HIPK2: variants seen among roughly 807,000 people sequenced by gnomAD.
The protein encoded by HIPK2 is homeodomain interacting protein kinase 2, also known as homeodomain-interacting protein kinase 2.
In HIPK2, 27 loss-of-function variants were observed where a neutral mutation model predicts 113.7. That is an observed-to-expected ratio of 0.24 (90% CI 0.17 to 0.33). HIPK2 has a LOEUF of 0.33. Ranked by LOEUF, HIPK2 falls within the 10% of genes least tolerant of loss-of-function variation. HIPK2 has a pLI of 1.00. For synonymous variants in HIPK2, 631 were observed against 642.2 expected (o/e 0.98, Z 0.26); for missense variants, 1,257 against 1,588.0 (o/e 0.79, Z 3.54).
intron 1 of HIPK2, among the ~76,000 whole-genome samples, chr7:139,775,372 G>T (rs929658457): frequency 2.6e-5 from 4 of 152,200 alleles, no homozygotes; most frequent in Admixed American, 2.0e-4. Flanking sequence ...GATTCTAGAA[G>T]TCACCTGTCT....
At chr7:139,694,055 T>TC in intron 2 of HIPK2, among the ~76,000 whole-genome samples, 1 of 152,180 alleles carries the variant, frequency 6.6e-6, no homozygotes, top group East Asian at 1.9e-4. Flanking sequence ...AAATATACTT[T>TC]TTTTCCTATT....
At chr7:139,582,128 G>A (rs1397446456) in intron 13 of HIPK2, among the ~76,000 whole-genome samples, 3 of 152,278 alleles carry the variant, frequency 2.0e-5, no homozygotes, top group Admixed American at 6.5e-5. Context: ...ACATTTGCCC[G>A]GGTGGAAAAA....
At chr7:139,689,053 T>C (rs9692061) in intron 2 of HIPK2, among the ~76,000 whole-genome samples, 52,457 of 152,050 alleles carry the variant, frequency 0.34, 10,585 homozygotes, top group Non-Finnish European at 0.45. Flanking sequence ...AAAACTTTCC[T>C]AACTGCCAAG....
At chr7:139,661,541 CA>C (rs762112904) in intron 2 of HIPK2, among the ~76,000 whole-genome samples, 53 of 152,282 alleles carry the variant, frequency 3.5e-4, no homozygotes, top group Non-Finnish European at 4.0e-4. Context: ...CCCTTCACAT[CA>C]AAAGTATAAC....
chr7:139,760,404 G>A (rs1428664757), intron 1 of HIPK2, among the ~76,000 whole-genome samples: 1 of 152,144 alleles, frequency 6.6e-6, no homozygotes, highest in Non-Finnish European at 1.5e-5. Flanking sequence ...TGAATGATAT[G>A]AGCCTAACCA....
At position 139,572,959 on chromosome 7, in the gene HIPK2, G is replaced by A. The variant is rs1267876384; in HGVS notation, c.3565C>T (p.Pro1189Ser). 6.3e-7 allele frequency: 1 copy of A among 1,585,296 alleles called. No individual in the cohort carries two copies. The highest frequency in any genetic ancestry group is 1.2e-5 in the South Asian group (1 of 84,886). The change falls in exon 15 of 15, where the codon CCC (proline) becomes TCC (serine). Residue 1189 changes from proline to serine, a missense_variant. By Grantham distance (74) the Pro-to-Ser change is moderately conservative. Transcript: ENST00000406875. ...STVYTGYPLS[P>S]AKVNQYPYI ...TAAGGGTACTGGTTGACCTTGGCGG[G>A]GCTCAGTGGGTATCCAGTGTAGACG... is the stretch of plus-strand genomic sequence containing the variant.
intron 2 of HIPK2, among the ~76,000 whole-genome samples, chr7:139,701,228 T>A (rs1229625075): frequency 6.6e-6 from 1 of 152,152 alleles, no homozygotes; most frequent in Non-Finnish European, 1.5e-5. Context: ...AGATTCCCTA[T>A]CTACTTCCAA....
intron 13 of HIPK2, among the ~76,000 whole-genome samples, chr7:139,578,953 C>T (rs532550588): frequency 7.2e-5 from 11 of 152,312 alleles, no homozygotes; most frequent in South Asian, 6.2e-4. Context: ...GGATTATAGG[C>T]GTGAGCCACC....
intron 10 of HIPK2, among the ~76,000 whole-genome samples, chr7:139,603,435 C>G (rs899679967): frequency 6.6e-6 from 1 of 152,006 alleles, no homozygotes; most frequent in African/African-American, 2.4e-5. Flanking sequence ...ATGAGTTGGG[C>G]AGGGTAGAGT....
At position 139,683,841 on chromosome 7, in the gene HIPK2, CT is replaced by C. The variant is rs1794132994; in HGVS notation, c.1103+32090del. On this transcript the variant is annotated intron_variant, in intron 2 of 14. Coordinates refer to ENST00000406875, the MANE Select transcript of HIPK2 (RefSeq NM_022740.5). The surrounding 1 kb of genome is among the most constrained non-coding windows in gnomAD (Gnocchi z 4.2). ...CTGTGGTTTTGAAGGGCTACAAATA[CT>C]TTAGAAAATAGTTTTAAACACTGAA... is the stretch of plus-strand genomic sequence containing the variant. Among the ~76,000 whole-genome samples, 1 of 152,092 alleles carries C rather than the reference CT, an allele frequency of 6.6e-6. No individual in the cohort carries two copies. The highest frequency in any genetic ancestry group is 6.5e-5 in the Admixed American group (1 of 15,272).
intron 10 of HIPK2, among the ~76,000 whole-genome samples, chr7:139,602,610 G>A (rs1799471354): frequency 6.6e-6 from 1 of 151,070 alleles, no homozygotes. Flanking sequence ...TCTTTTAGGA[G>A]AAAAAGGGGC....
intron 2 of HIPK2, among the ~76,000 whole-genome samples, chr7:139,688,927 G>C (rs1414373753): frequency 1.3e-5 from 2 of 152,202 alleles, no homozygotes; most frequent in Non-Finnish European, 2.9e-5. Flanking sequence ...AGGGGCTTAT[G>C]TACAGTAAAA....
intron 1 of HIPK2, among the ~76,000 whole-genome samples, chr7:139,773,910 C>T (rs1209940489): frequency 6.6e-6 from 1 of 152,192 alleles, no homozygotes; most frequent in African/African-American, 2.4e-5. Context: ...GCTGCAGCCC[C>T]TGAAACTCTG....
intron 2 of HIPK2, among the ~76,000 whole-genome samples, chr7:139,706,093 GC>G (rs1794891431): frequency 6.6e-6 from 1 of 152,190 alleles, no homozygotes; most frequent in South Asian, 2.1e-4. Context: ...GCTGCATTTG[GC>G]CCCTTCTTTA....
intron 1 of HIPK2, among the ~76,000 whole-genome samples, chr7:139,747,500 C>T (rs1796208940): frequency 1.3e-5 from 2 of 152,220 alleles, no homozygotes. Context: ...TCTTAATCTA[C>T]CCCATCTCTA....
Position 139,626,751 on chromosome 7 carries a change from A to C in HIPK2, c.1469T>G (p.Met490Arg). The change falls in exon 6 of 15, where the codon ATG becomes AGG. Residue 490 changes from methionine (M) to arginine (R), a missense_variant. Coordinates refer to ENST00000406875, the MANE Select transcript of HIPK2 (RefSeq NM_022740.5). ...CCGCCGGTCAGCCTTTTCTACCAAC[A>C]TGTCGCTCCCTTCCAAATCTGTCGT... Reference protein sequence around the residue: ...NMTTDLEGSDMLVEKADRREF... With the variant: ...NMTTDLEGSDRLVEKADRREF... 1 of 1,613,936 alleles carries C rather than the reference A, an allele frequency of 6.2e-7. No homozygotes were observed. The highest frequency in any genetic ancestry group is 8.5e-7 in the Non-Finnish European group (1 of 1,179,886).
At chr7:139,618,053 G>C (rs573738602) in intron 7 of HIPK2, among the ~76,000 whole-genome samples, 1 of 152,372 alleles carries the variant, frequency 6.6e-6, no homozygotes, top group South Asian at 2.1e-4. Flanking sequence ...TCTGAAGCCA[G>C]ATTGCTGGCT....
At position 139,631,032 on chromosome 7, in the gene HIPK2, A is replaced by G. The variant is rs10255460; in HGVS notation, c.1347+133T>C. On this transcript the variant is annotated intron_variant, in intron 4 of 14. Transcript: ENST00000406875. This position sits in a 1 kb window ranked among gnomAD's most constrained non-coding sequence, Gnocchi z 4.9. ...CTTCTGAGCATTCAGATTCAGCCAT[A>G]CCATGTATTAACAACAGCACCCCCA... 3.9e-3 allele frequency: 4,647 copies of G among 1,204,390 alleles called. 133 individuals are homozygous for G. In the African/African-American group the frequency reaches 0.061, roughly 16 times the overall value. 74.6% of individuals were successfully genotyped at this position (1,204,390 alleles called of 1,614,324 possible).
intron 2 of HIPK2, among the ~76,000 whole-genome samples, chr7:139,694,634 T>G (rs1794513557): frequency 6.6e-6 from 1 of 152,098 alleles, no homozygotes; most frequent in Non-Finnish European, 1.5e-5. Flanking sequence ...GCCTGATCAT[T>G]CCTGTGCGCA....
Sources: allele counts gnomAD v4.1 joint callset (sites outside exome capture counted in the v4.1 genomes callset), GRCh38; gene constraint gnomAD v4.1.1; non-coding constraint Gnocchi (gnomAD v3.1); transcripts MANE v1.5; gene names NCBI Gene and HGNC (gene_info 2026-07-23, HGNC 2026-07-21).